The following NECTIN2 variants were observed in gnomAD, a reference collection of about 807,000 sequenced individuals.
NECTIN2 encodes the protein nectin-2.
Under a neutral mutation model 56.9 loss-of-function variants are expected in NECTIN2, and 23 were observed. The ratio of observed to expected loss-of-function variants is 0.40; its 90% CI spans 0.29 to 0.57. The LOEUF (loss-of-function observed/expected upper bound fraction) is 0.57, where lower values mean the gene tolerates loss of function less well. Ranked by LOEUF, NECTIN2 falls within the 20% of genes least tolerant of loss-of-function variation. NECTIN2 has a pLI of 0.38. For synonymous variants in NECTIN2, 302 were observed against 313.8 expected (o/e 0.96, Z 0.40); for missense variants, 587 against 718.3 (o/e 0.82, Z 2.09).
At chr19:44,864,127 G>A (rs1969067941) in intron 1 of NECTIN2, among the ~76,000 whole-genome samples, 1 of 149,640 alleles carries the variant, frequency 6.7e-6, no homozygotes. Flanking sequence ...TTGAGTCCAG[G>A]AGTTCAAGAC....
intron 1 of NECTIN2, among the ~76,000 whole-genome samples, chr19:44,854,031 A>C (rs773857092): frequency 1.3e-5 from 2 of 151,954 alleles, no homozygotes; most frequent in Non-Finnish European, 2.9e-5. Flanking sequence ...CAGGGAGGGG[A>C]GAGGAGGTGG....
In NECTIN2 at chr19:44,874,034, G is replaced by C; in HGVS notation, c.893+1G>C. The C allele has an allele frequency of 6.2e-7, 1 of 1,608,650 alleles. No individual in the cohort carries two copies. Among genetic ancestry groups the C allele is most frequent in the Non-Finnish European group, 8.5e-7 (1 of 1,175,802 alleles). On this transcript the variant is annotated splice_donor_variant, in intron 4 of 8. Coordinates refer to ENST00000252483, the MANE Select transcript of NECTIN2 (RefSeq NM_001042724.2). LOFTEE classifies it high-confidence loss of function. This position sits in a 1 kb window ranked among gnomAD's most constrained non-coding sequence, Gnocchi z 6.3. The stretch of plus-strand genomic sequence containing the variant: ...AGCCCACGGGCTATGACTGGAGCAC[G>C]TGAGTCACGTGGTCTCAGAACCCTG...
chr19:44,857,700 T>TTA (rs1968982133), intron 1 of NECTIN2, among the ~76,000 whole-genome samples: 1 of 130,634 alleles, frequency 7.7e-6, no homozygotes, highest in African/African-American at 2.9e-5. Context: ...TCGTGCCGGG[T>TTA]TTTTGTTTTT....
Position 44,874,216 on chromosome 19 carries a change from C to T in NECTIN2, c.894-114C>T, listed in dbSNP as rs1168627507. 8 of 1,397,964 alleles carry T rather than the reference C, an allele frequency of 5.7e-6. No homozygotes were observed. In the African/African-American group the frequency reaches 7.2e-5, roughly 12 times the overall value. 86.6% of individuals were successfully genotyped at this position (1,397,964 alleles called of 1,614,324 possible). A position where few individuals can be genotyped will look rare whatever the true frequency, so the allele number is the denominator to read the frequency against. ...TTGCATTTTGGCAATTTGGGGTCTCCGGGAGTACTTAGGTCCCTGGAGCTT... is the reference window on the plus strand; with the variant it reads ...TTGCATTTTGGCAATTTGGGGTCTCTGGGAGTACTTAGGTCCCTGGAGCTT... On this transcript the variant is annotated intron_variant, in intron 4 of 8. Coordinates refer to ENST00000252483, the MANE Select transcript of NECTIN2 (RefSeq NM_001042724.2). The surrounding 1 kb of genome is among the most constrained non-coding windows in gnomAD (Gnocchi z 6.3).
Position 44,846,589 on chromosome 19 carries a change from CT to C in NECTIN2, c.65del (p.Leu22ArgfsTer47). 1 of 1,525,354 alleles carries C rather than the reference CT, an allele frequency of 6.6e-7. No homozygotes were observed. The allele number at this position is 1,525,354 out of a possible 1,614,324, so 94.5% of individuals were successfully genotyped here. A position where few individuals can be genotyped will look rare whatever the true frequency, so the allele number is the denominator to read the frequency against. On this transcript the variant is annotated frameshift_variant, in exon 1 of 9. Coordinates refer to ENST00000252483, the MANE Select transcript of NECTIN2 (RefSeq NM_001042724.2). LOFTEE classifies it high-confidence loss of function. ...GCCGACGCCGCTGCTGTGGCCGCTGCTGCTGCTGCTGCTCCTGGAAACCGGT... is the reference window on the plus strand; with the variant it reads ...GCCGACGCCGCTGCTGTGGCCGCTGCGCTGCTGCTGCTCCTGGAAACCGGT... The part of the protein sequence containing the change: ...SPPTPLLWPL[L>X]LLLLLETGAQ...
At chr19:44,862,704 A>C (rs548011) in intron 1 of NECTIN2, among the ~76,000 whole-genome samples, 1 of 151,854 alleles carries the variant, frequency 6.6e-6, no homozygotes, top group Non-Finnish European at 1.5e-5. Context: ...GGAGGGAAAC[A>C]GGTGAGGGTT....
At position 44,872,169 on chromosome 19, in the gene NECTIN2, C is replaced by A; in HGVS notation, c.775+20C>A. On this transcript the variant is annotated intron_variant, in intron 3 of 8. Coordinates refer to ENST00000252483, the MANE Select transcript of NECTIN2 (RefSeq NM_001042724.2). The stretch of plus-strand genomic sequence containing the variant: ...TACGCTGTGAGTGTATCGGGGGTGA[C>A]CCCTCCCCCATCAAAACTGCCTACA... The A allele has an allele frequency of 6.2e-7, 1 of 1,603,462 alleles. No homozygotes were observed. The highest frequency in any genetic ancestry group is 8.5e-7 in the Non-Finnish European group (1 of 1,171,864).
intron 1 of NECTIN2, among the ~76,000 whole-genome samples, chr19:44,862,219 T>C (rs11669109): frequency 0.33 from 50,543 of 151,344 alleles, 9,247 homozygotes; most frequent in Non-Finnish European, 0.39. Flanking sequence ...TCGAGACCAT[T>C]CTGGGTAACA....
chr19:44,862,092 C>T (rs1969037358), intron 1 of NECTIN2, among the ~76,000 whole-genome samples: 1 of 152,194 alleles, frequency 6.6e-6, no homozygotes, highest in East Asian at 1.9e-4. Context: ...TGGACTCAAT[C>T]CAAATGCCCA....
At chr19:44,866,967 A>G (rs1176730675) in intron 2 of NECTIN2, among the ~76,000 whole-genome samples, 1 of 151,584 alleles carries the variant, frequency 6.6e-6, no homozygotes, top group East Asian at 2.0e-4. Context: ...GAGCCTAGGA[A>G]TTTGAGACCA....
intron 5 of NECTIN2, among the ~76,000 whole-genome samples, chr19:44,879,619 G>A (rs1969285996): frequency 6.6e-6 from 1 of 152,100 alleles, no homozygotes; most frequent in South Asian, 2.1e-4. Context: ...CCTCTCAACT[G>A]GAAAAGCAAA....
At chr19:44,867,910 G>A (rs971314162) in intron 2 of NECTIN2, among the ~76,000 whole-genome samples, 8 of 152,078 alleles carry the variant, frequency 5.3e-5, no homozygotes, top group African/African-American at 9.7e-5. Flanking sequence ...AGGAGTGGAC[G>A]GAGGTAGAAG....
chr19:44,888,833 AC>A lies in NECTIN2; in HGVS notation c.*459del, dbSNP rs1969389487. On this transcript the variant is annotated 3_prime_UTR_variant, in exon 9 of 9. Coordinates refer to ENST00000252483, the MANE Select transcript of NECTIN2 (RefSeq NM_001042724.2). ...CCCTCCAGGCAGCAGGGTCCCACTT[AC>A]CCCCTCCCCACCCTGTTCCCCAAAG... 1 of 158,464 alleles carries A rather than the reference AC, an allele frequency of 6.3e-6. No homozygotes were observed. Among genetic ancestry groups the A allele is most frequent in the Admixed American group, 6.1e-5 (1 of 16,398 alleles). 9.8% of individuals were successfully genotyped at this position (158,464 alleles called of 1,614,324 possible).
At chr19:44,855,914 T>G (rs1968960351) in intron 1 of NECTIN2, among the ~76,000 whole-genome samples, 1 of 152,206 alleles carries the variant, frequency 6.6e-6, no homozygotes, top group Non-Finnish European at 1.5e-5. Context: ...GGATTTGACC[T>G]ATAAGATGTG....
rs927407000 is a variant in NECTIN2 at position 44,864,423 on chromosome 19, G to A, written c.89-848G>A. ...GCCCAGGCTGTTCTTGAACTCCTAGGCTCAAGCATTCCTCCCACCTTGGCC... is the reference window on the plus strand; with the variant it reads ...GCCCAGGCTGTTCTTGAACTCCTAGACTCAAGCATTCCTCCCACCTTGGCC... On this transcript the variant is annotated intron_variant, in intron 1 of 8. Transcript: ENST00000252483. Among the ~76,000 whole-genome samples, 4 of 152,230 alleles carry A rather than the reference G, an allele frequency of 2.6e-5. No individual in the cohort carries two copies. In the East Asian group the frequency reaches 7.7e-4, roughly 29 times the overall value.
intron 1 of NECTIN2, among the ~76,000 whole-genome samples, chr19:44,846,931 C>A (rs1968842350): frequency 6.6e-6 from 1 of 151,962 alleles, no homozygotes; most frequent in African/African-American, 2.4e-5. Context: ...CCCAGGAAGG[C>A]CTGGTGCCCC....
chr19:44,868,912 G>GAA (rs147253426), intron 2 of NECTIN2, among the ~76,000 whole-genome samples: 2,424 of 144,012 alleles, frequency 0.017, 65 homozygotes, highest in African/African-American at 0.057. Flanking sequence ...ACTCTGTCTG[G>GAA]AAAAAAAAAA....
At position 44,872,011 on chromosome 19, in the gene NECTIN2, C is replaced by T; in HGVS notation, c.637C>T (p.Leu213=). Reference sequence around the variant, plus strand: ...CAAAGAGACTCAGGTGTCAGGGACCCTGGCCGGAACTGTCACTGTCACCAG... The same window carrying T: ...CAAAGAGACTCAGGTGTCAGGGACCTTGGCCGGAACTGTCACTGTCACCAG... ...EAKETQVSGT[L]AGTVTVTSRF... Residue 213 remains leucine, a synonymous_variant, in exon 3 of 9, where the codon CTG becomes TTG. Coordinates refer to ENST00000252483, the MANE Select transcript of NECTIN2 (RefSeq NM_001042724.2). 1 of 1,614,190 alleles carries T rather than the reference C, an allele frequency of 6.2e-7. No homozygotes were observed. The highest frequency in any genetic ancestry group is 8.5e-7 in the Non-Finnish European group (1 of 1,180,034).
chr19:44,863,831 GAC>G (rs902008100), intron 1 of NECTIN2, among the ~76,000 whole-genome samples: 1 of 134,962 alleles, frequency 7.4e-6, no homozygotes, highest in African/African-American at 2.6e-5. Context: ...AACAGAGCGA[GAC>G]TCAGTCTCAA....
Sources: allele counts gnomAD v4.1 joint callset (sites outside exome capture counted in the v4.1 genomes callset), GRCh38; gene constraint gnomAD v4.1.1; non-coding constraint Gnocchi (gnomAD v3.1); transcripts MANE v1.5; gene names NCBI Gene and HGNC (gene_info 2026-07-23, HGNC 2026-07-21).